EPS15: variants seen among roughly 807,000 people sequenced by gnomAD.
The protein encoded by EPS15 is epidermal growth factor receptor substrate 15.
EPS15 carries 72 observed loss-of-function variants against 113.8 expected under a neutral mutation model. That is an observed-to-expected ratio of 0.63 (90% confidence interval 0.52 to 0.77). The LOEUF is 0.77. EPS15 is among the 30% of genes least tolerant of loss of function. EPS15 has a pLI of 0.00. For synonymous variants in EPS15, 344 were observed against 363.4 expected (o/e 0.95, Z 0.61); for missense variants, 1,048 against 1,045.8 (o/e 1.00, Z -0.03).
chr1:51,517,654 T>G (rs2148575149), intron 1 of EPS15, among the ~76,000 whole-genome samples: 1 of 152,296 alleles, frequency 6.6e-6, no homozygotes, highest in African/African-American at 2.4e-5. Context: ...AGTGCTGTAG[T>G]TGTTCAAATT....
intron 24 of EPS15, 128 bp from the exon 25 acceptor site, chr1:51,356,974 T>C (rs1646231501): frequency 6.0e-6 from 3 of 502,452 alleles, no homozygotes; most frequent in Non-Finnish European, 9.6e-6. Context: ...TTGTTAATTC[T>C]TTTTTTTTTC....
At chr1:51,371,421 G>A (rs1303397841) in intron 21 of EPS15, among the ~76,000 whole-genome samples, 5 of 151,576 alleles carry the variant, frequency 3.3e-5, no homozygotes, top group African/African-American at 9.7e-5. Context: ...TCCTGACCCC[G>A]TGCAGGCCTA....
At position 51,423,331 on chromosome 1, in the gene EPS15, C is replaced by A. The variant is rs989169886; in HGVS notation, c.1041-1473G>T. The A allele has an allele frequency of 4.1e-6, 5 of 1,233,458 alleles. No individual in the cohort carries two copies. In the African/African-American group the frequency reaches 7.8e-5, roughly 19 times the overall value. 76.4% of individuals were successfully genotyped at this position (1,233,458 alleles called of 1,614,324 possible). A position where few individuals can be genotyped will look rare whatever the true frequency, so the allele number is the denominator to read the frequency against. On this transcript the variant is annotated intron_variant, in intron 12 of 24. Transcript: ENST00000371733. ...AACCTATTTATCATGCAAAGACCAT[C>A]CCCCACCTCCAACCCTTATATAAAT...
intron 1 of EPS15, among the ~76,000 whole-genome samples, chr1:51,488,487 A>AAAAAC (rs1644167923): frequency 6.7e-6 from 1 of 149,058 alleles, no homozygotes; most frequent in South Asian, 2.1e-4. Context: ...AAAAAAAAAA[A>AAAAAC]AAAAAAAAAC....
chr1:51,447,636 A>T (rs1337470010), intron 9 of EPS15, among the ~76,000 whole-genome samples: 1 of 152,202 alleles, frequency 6.6e-6, no homozygotes, highest in Non-Finnish European at 1.5e-5. Context: ...GGTATTAAAC[A>T]AAAATAAAAA....
At chr1:51,360,082 C>T (rs1404738517) in intron 24 of EPS15, among the ~76,000 whole-genome samples, 2 of 151,986 alleles carry the variant, frequency 1.3e-5, no homozygotes, top group East Asian at 1.9e-4. Context: ...CCACCACGCC[C>T]GGCCTGCATG....
At chr1:51,456,940 C>T (rs1246978654) in intron 8 of EPS15, among the ~76,000 whole-genome samples, 1 of 151,940 alleles carries the variant, frequency 6.6e-6, no homozygotes, top group African/African-American at 2.4e-5. Context: ...ATTAACTGAG[C>T]AAAATCTAGA....
intron 1 of EPS15, among the ~76,000 whole-genome samples, chr1:51,508,270 G>GAGAA (rs377021973): frequency 0.044 from 5,194 of 118,918 alleles, 454 homozygotes; most frequent in African/African-American, 0.18. Context: ...GAGAGAGAGA[G>GAGAA]AGAAAGAGAG....
chr1:51,435,340 T>C (rs1039171999), intron 12 of EPS15, among the ~76,000 whole-genome samples: 1 of 152,022 alleles, frequency 6.6e-6, no homozygotes, highest in African/African-American at 2.4e-5. Context: ...ATTATAGGCA[T>C]GCGCCACCAC....
intron 22 of EPS15, among the ~76,000 whole-genome samples, chr1:51,364,942 G>A (rs897707242): frequency 2.6e-5 from 4 of 151,884 alleles, no homozygotes; most frequent in Non-Finnish European, 5.9e-5. Context: ...TGATCCTCCC[G>A]CCTCAGCCTC....
chr1:51,463,925 A>G (rs1654659721), intron 6 of EPS15, 127 bp from the exon 7 acceptor site: 2 of 479,106 alleles, frequency 4.2e-6, no homozygotes, highest in African/African-American at 4.0e-5. Context: ...AACATTTTTC[A>G]CTTTCATCAA....
intron 1 of EPS15, among the ~76,000 whole-genome samples, chr1:51,518,959 G>A (rs1644786057): frequency 6.6e-6 from 1 of 151,344 alleles, no homozygotes; most frequent in African/African-American, 2.4e-5. Flanking sequence ...AGGGCCGCGC[G>A]GGGCGGGGCA....
chr1:51,497,083 G>A (rs1644336925), intron 1 of EPS15, among the ~76,000 whole-genome samples: 1 of 152,176 alleles, frequency 6.6e-6, no homozygotes, highest in South Asian at 2.1e-4. Context: ...GCTATTCAAT[G>A]TTACATATAG....
At chr1:51,460,658 A>G (rs1654368691) in intron 8 of EPS15, among the ~76,000 whole-genome samples, 1 of 152,092 alleles carries the variant, frequency 6.6e-6, no homozygotes, top group African/African-American at 2.4e-5. Context: ...AATTCTATAT[A>G]AGAATGTTCA....
chr1:51,401,847 A>G (rs1047520371), intron 18 of EPS15, among the ~76,000 whole-genome samples: 2 of 152,190 alleles, frequency 1.3e-5, no homozygotes, highest in Non-Finnish European at 2.9e-5. Flanking sequence ...TACTAAAAAT[A>G]CAAAAATTAG....
At chr1:51,372,297 C>T (rs1476785622) in intron 21 of EPS15, 1 of 511,250 alleles carries the variant, frequency 2.0e-6, no homozygotes, top group Non-Finnish European at 4.0e-6. Flanking sequence ...GGCAGTGGTC[C>T]ACCTTCCGGT....
intron 12 of EPS15, among the ~76,000 whole-genome samples, chr1:51,432,658 C>T (rs1388990109): frequency 6.6e-6 from 1 of 151,934 alleles, no homozygotes; most frequent in Non-Finnish European, 1.5e-5. Flanking sequence ...TTGGACTAGC[C>T]ATATTTCAAG....
At chr1:51,486,660 T>C (rs1334652211) in intron 1 of EPS15, among the ~76,000 whole-genome samples, 2 of 152,100 alleles carry the variant, frequency 1.3e-5, no homozygotes, top group African/African-American at 4.8e-5. Context: ...CTGAGACTGA[T>C]ATATTTATAA....
At chr1:51,440,256 T>C (rs970109596) in intron 12 of EPS15, 91 bp downstream of exon 12, 11 of 468,744 alleles carry the variant, frequency 2.3e-5, no homozygotes, top group African/African-American at 1.6e-4. Context: ...GGGGAGGAAG[T>C]TGTATACATA....
Sources: gnomAD v4.1 joint callset for allele counts (sites outside exome capture counted in the v4.1 genomes callset) on GRCh38, gnomAD v4.1.1 for gene constraint, MANE v1.5 for transcripts, NCBI Gene and HGNC (gene_info 2026-07-23, HGNC 2026-07-21) for gene names.